The following DSCAM variants were observed in gnomAD, a reference collection of about 807,000 sequenced individuals.
DSCAM encodes cell adhesion molecule DSCAM.
Under a neutral mutation model 217.7 loss-of-function variants are expected in DSCAM, and 47 were observed. The observed-to-expected ratio is 0.22, with a 90% CI of 0.17 to 0.28. The LOEUF (loss-of-function observed/expected upper bound fraction) is 0.28. DSCAM is among the 10% of genes least tolerant of loss of function. DSCAM has a pLI of 1.00. For synonymous variants in DSCAM, 1,056 were observed against 1,015.3 expected, an observed-to-expected ratio of 1.04 and a Z score of -0.76; for missense variants, 2,080 against 2,618.3, an observed-to-expected ratio of 0.79 and a Z score of 4.49.
chr21:40,680,116 T>C (rs949943173), intron 3 of DSCAM, among the ~76,000 whole-genome samples: 12 of 152,208 alleles, frequency 7.9e-5, no homozygotes, highest in African/African-American at 2.7e-4. Context: ...CTTACTATAA[T>C]GTTATTTTTA....
At chr21:40,720,708 G>A (rs575636848) in intron 1 of DSCAM, among the ~76,000 whole-genome samples, 2 of 151,966 alleles carry the variant, frequency 1.3e-5, no homozygotes, top group South Asian at 4.2e-4. Context: ...AACAAACAAA[G>A]TGGACCTTAT....
At chr21:40,755,526 A>C (rs907035643) in intron 1 of DSCAM, among the ~76,000 whole-genome samples, 2 of 152,140 alleles carry the variant, frequency 1.3e-5, no homozygotes, top group Non-Finnish European at 2.9e-5. Context: ...CTTAGATTTG[A>C]GGGTGGGTAT....
At chr21:40,491,877 A>T (rs2076078727) in intron 3 of DSCAM, among the ~76,000 whole-genome samples, 1 of 152,076 alleles carries the variant, frequency 6.6e-6, no homozygotes, top group East Asian at 1.9e-4. Flanking sequence ...GCCAACCCCT[A>T]TGCCATCACT....
In DSCAM at chr21:40,222,408, T is replaced by C. The variant is rs150121579; in HGVS notation, c.2357-33170A>G. Reference sequence around the variant, plus strand: ...ATAGGGTAGGAAAAGGCTGTTGATATGGTTTTTGGTTCTGCATGGGAATTA... The same window carrying C: ...ATAGGGTAGGAAAAGGCTGTTGATACGGTTTTTGGTTCTGCATGGGAATTA... On this transcript the variant is annotated intron_variant, in intron 11 of 32. Coordinates refer to ENST00000400454, the MANE Select transcript of DSCAM (RefSeq NM_001389.5). Among the ~76,000 whole-genome samples the C allele has an allele frequency of 2.3e-4, 35 of 152,346 alleles. 1 individual carries two copies. In the East Asian group the frequency reaches 5.6e-3, roughly 24 times the overall value.
At chr21:40,351,190 C>A (rs562795814) in intron 5 of DSCAM, among the ~76,000 whole-genome samples, 3 of 152,192 alleles carry the variant, frequency 2.0e-5, no homozygotes, top group African/African-American at 7.2e-5. Flanking sequence ...AGGTTGAGAA[C>A]AGAGCTGAGT....
intron 2 of DSCAM, among the ~76,000 whole-genome samples, chr21:40,706,328 C>G (rs1160773296): frequency 6.6e-6 from 1 of 152,182 alleles, no homozygotes; most frequent in Non-Finnish European, 1.5e-5. Flanking sequence ...AGGAGCAATA[C>G]TGTCTGAAGT....
At chr21:40,476,928 A>G (rs2075941754) in intron 3 of DSCAM, among the ~76,000 whole-genome samples, 1 of 152,202 alleles carries the variant, frequency 6.6e-6, no homozygotes, top group Non-Finnish European at 1.5e-5. Flanking sequence ...CTGTGACCAT[A>G]ATTTTGCAAG....
chr21:40,167,894 T>G (rs905025366), intron 15 of DSCAM, among the ~76,000 whole-genome samples: 1 of 152,030 alleles, frequency 6.6e-6, no homozygotes, highest in Non-Finnish European at 1.5e-5. Flanking sequence ...TGAAACCCCA[T>G]CTCTACTAAA....
intron 3 of DSCAM, among the ~76,000 whole-genome samples, chr21:40,577,651 C>A (rs1038522834): frequency 6.6e-6 from 1 of 152,050 alleles, no homozygotes; most frequent in Non-Finnish European, 1.5e-5. Context: ...ATTCTCTCGG[C>A]CCTGAAGAAG....
intron 3 of DSCAM, among the ~76,000 whole-genome samples, chr21:40,554,287 C>T (rs1198969187): frequency 6.6e-6 from 1 of 151,624 alleles, no homozygotes; most frequent in Non-Finnish European, 1.5e-5. Flanking sequence ...AATTAGACTG[C>T]TTCTGCTAAG....
intron 3 of DSCAM, chr21:40,383,766 A>C (rs1210594202): frequency 6.6e-6 from 1 of 152,168 alleles, no homozygotes; most frequent in African/African-American, 2.4e-5. Flanking sequence ...TGGCTAGTTA[A>C]ACTGATTTTC....
chr21:40,656,522 GA>G (rs35455991), intron 3 of DSCAM, among the ~76,000 whole-genome samples: 4,892 of 137,940 alleles, frequency 0.035, 248 homozygotes, highest in African/African-American at 0.12. Flanking sequence ...TGCTTCAATA[GA>G]AAAAAAAAAA....
chr21:40,475,911 T>A (rs1264361902), intron 3 of DSCAM, among the ~76,000 whole-genome samples: 1 of 152,188 alleles, frequency 6.6e-6, no homozygotes, highest in Non-Finnish European at 1.5e-5. Flanking sequence ...TTCTTTTGTG[T>A]GTAAGTTGGT....
rs2073103992 is a variant in DSCAM at position 40,238,204 on chromosome 21, C to T, written c.2356+37893G>A. Among the ~76,000 whole-genome samples, 7 of 152,122 alleles carry T rather than the reference C, an allele frequency of 4.6e-5. No individual in the cohort carries two copies. In the South Asian group the frequency reaches 1.4e-3, roughly 31 times the overall value. ...AGGAATAGAAATATAAGACTCCAGC[C>T]CCCAAGTCTGATTCTGTGGTCTGGA... On this transcript the variant is annotated intron_variant, in intron 11 of 32. Transcript: ENST00000400454.
chr21:40,617,317 G>T (rs1282950053), intron 3 of DSCAM, among the ~76,000 whole-genome samples: 5 of 151,722 alleles, frequency 3.3e-5, no homozygotes, highest in East Asian at 4.0e-4. Flanking sequence ...GTAGAGACGG[G>T]GTTTCACCAT....
chr21:40,267,761 T>G (rs535951149), intron 11 of DSCAM, among the ~76,000 whole-genome samples: 61 of 152,200 alleles, frequency 4.0e-4, no homozygotes, highest in African/African-American at 1.4e-3. Context: ...ACGGGCATGG[T>G]GGCAGGTGCC....
intron 1 of DSCAM, among the ~76,000 whole-genome samples, chr21:40,763,030 CACAAG>C (rs1303115350): frequency 1.3e-5 from 2 of 152,132 alleles, no homozygotes; most frequent in South Asian, 2.1e-4. Context: ...TGAAAACTGG[CACAAG>C]ACAAGGATGC....
In DSCAM at chr21:40,195,810, T is replaced by C. The variant is rs2091001580; in HGVS notation, c.2357-6572A>G. On this transcript the variant is annotated intron_variant, in intron 11 of 32. Coordinates refer to ENST00000400454, the MANE Select transcript of DSCAM (RefSeq NM_001389.5). ...CTGGGACATAAACACATTTTAAAGC[T>C]ATTTTTTCAAGTCCCTTTTAAACCA... 2.0e-5 allele frequency among the ~76,000 whole-genome samples: 3 copies of C among 152,276 alleles called. No individual in the cohort carries two copies. The South Asian group carries it at 6.2e-4, about 32-fold the overall frequency.
chr21:40,635,331 C>T (rs28411776), intron 3 of DSCAM, among the ~76,000 whole-genome samples: 41,477 of 152,018 alleles, frequency 0.27, 5,705 homozygotes, highest in East Asian at 0.42. Context: ...CACTGGAGAC[C>T]GCTGGATTTC....
Sources: gnomAD v4.1 joint callset for allele counts (sites outside exome capture counted in the v4.1 genomes callset) on GRCh38, gnomAD v4.1.1 for gene constraint, MANE v1.5 for transcripts, NCBI Gene and HGNC (gene_info 2026-07-23, HGNC 2026-07-21) for gene names.